TOX2: variants seen among roughly 807,000 people sequenced by gnomAD.
TOX2 encodes the protein granulosa cell HMG box 1.
Under a neutral mutation model 47.4 loss-of-function variants are expected in TOX2, and 15 were observed. The ratio of observed to expected loss-of-function variants is 0.32; its 90% confidence interval spans 0.21 to 0.49. The LOEUF (loss-of-function observed/expected upper bound fraction) is 0.49. TOX2 is among the 20% of genes least tolerant of loss of function. TOX2 has a pLI of 0.99. For missense variants in TOX2, 622 were observed against 673.1 expected (o/e 0.92, Z 0.84); for synonymous variants, 290 against 296.6 (o/e 0.98, Z 0.23).
chr20:43,961,113 G>T (rs1304342733), intron 1 of TOX2, among the ~76,000 whole-genome samples: 1 of 152,268 alleles, frequency 6.6e-6, no homozygotes, highest in Non-Finnish European at 1.5e-5. Context: ...ATGTTTTACG[G>T]GGTGCCCCCA....
intron 1 of TOX2, among the ~76,000 whole-genome samples, chr20:43,931,150 T>G (rs192676339): frequency 6.6e-6 from 1 of 152,334 alleles, no homozygotes; most frequent in Non-Finnish European, 1.5e-5. Flanking sequence ...ATGTTTTTTT[T>G]CTTTAAAAGA....
chr20:44,041,033 G>T (rs2071323723), intron 3 of TOX2, among the ~76,000 whole-genome samples: 1 of 152,194 alleles, frequency 6.6e-6, no homozygotes, highest in Non-Finnish European at 1.5e-5. Context: ...GTTGTTTACT[G>T]AGGGAGGGGC....
At chr20:44,050,032 A>T (rs2071481897) in intron 3 of TOX2, among the ~76,000 whole-genome samples, 1 of 152,202 alleles carries the variant, frequency 6.6e-6, no homozygotes, top group Non-Finnish European at 1.5e-5. Context: ...GTCAAATGGT[A>T]TTCCAGAAGT....
At chr20:44,044,132 A>G (rs199505949) in intron 3 of TOX2, among the ~76,000 whole-genome samples, 2 of 19,006 alleles carry the variant, frequency 1.1e-4, no homozygotes, top group Non-Finnish European at 3.3e-4. Context: ...TTGTAGGGAC[A>G]TGGATGAAGC....
intron 3 of TOX2, among the ~76,000 whole-genome samples, chr20:44,018,077 C>T (rs899886401): frequency 6.6e-6 from 1 of 152,156 alleles, no homozygotes; most frequent in African/African-American, 2.4e-5. Context: ...TGTCCCGGCA[C>T]CGAAGGCTTC....
intron 3 of TOX2, among the ~76,000 whole-genome samples, chr20:44,033,756 A>C (rs544235960): frequency 6.6e-6 from 1 of 151,970 alleles, no homozygotes; most frequent in South Asian, 2.1e-4. Flanking sequence ...CAACACCTTC[A>C]CTTTAGTTCA....
At chr20:44,050,586 A>AT (rs1406210468) in intron 3 of TOX2, among the ~76,000 whole-genome samples, 21 of 152,248 alleles carry the variant, frequency 1.4e-4, no homozygotes, top group African/African-American at 4.8e-4. Flanking sequence ...AAATGCTTAT[A>AT]TGTAAAACCA....
At chr20:44,050,308 A>G (rs2071487749) in intron 3 of TOX2, among the ~76,000 whole-genome samples, 1 of 152,230 alleles carries the variant, frequency 6.6e-6, no homozygotes, top group South Asian at 2.1e-4. Context: ...ACAGAGAAGC[A>G]GAAGTGATAC....
chr20:43,962,269 G>C (rs376865926), intron 1 of TOX2, among the ~76,000 whole-genome samples: 1 of 152,194 alleles, frequency 6.6e-6, no homozygotes, highest in South Asian at 2.1e-4. Context: ...CATCAGGCCC[G>C]GCCCTCTGGG....
At chr20:43,983,557 G>A (rs2070207338) in intron 2 of TOX2, among the ~76,000 whole-genome samples, 1 of 152,210 alleles carries the variant, frequency 6.6e-6, no homozygotes, top group Non-Finnish European at 1.5e-5. Context: ...GGCAGTGTCA[G>A]ATGCCCAGAA....
rs2071780527 is a variant in TOX2, at chr20:44,064,758, C to T, written c.880-19C>T. 2 of 1,612,980 alleles carry T rather than the reference C, an allele frequency of 1.2e-6. No homozygotes were observed. The highest frequency in any genetic ancestry group is 1.1e-5 in the South Asian group (1 of 91,036). ...CTGTAACTTTCTCCCCAGTGTTGCT[C>T]ATGTGTTGACTCTTCCAGGCCTACA... is the stretch of plus-strand genomic sequence containing the variant. On this transcript the variant is annotated intron_variant, in intron 5 of 8. Coordinates refer to ENST00000341197, the MANE Select transcript of TOX2 (RefSeq NM_001098797.2).
chr20:43,974,312 G>T, intron 2 of TOX2, among the ~76,000 whole-genome samples: 1 of 152,124 alleles, frequency 6.6e-6, no homozygotes, highest in East Asian at 1.9e-4. Flanking sequence ...CCCAGGGAGG[G>T]TCCTCACTGC....
chr20:43,996,237 T>A (rs2145568455), intron 2 of TOX2, among the ~76,000 whole-genome samples: 1 of 152,352 alleles, frequency 6.6e-6, no homozygotes. Flanking sequence ...TCATTATGGT[T>A]TTGATTTGCA....
At chr20:44,011,822 A>G (rs919691293) in intron 3 of TOX2, among the ~76,000 whole-genome samples, 7 of 152,244 alleles carry the variant, frequency 4.6e-5, no homozygotes, top group Non-Finnish European at 8.8e-5. Context: ...GAGGCCACCA[A>G]TTCTTTCCGG....
At chr20:43,978,803 G>C (rs1041204273) in intron 2 of TOX2, among the ~76,000 whole-genome samples, 2 of 151,152 alleles carry the variant, frequency 1.3e-5, no homozygotes, top group African/African-American at 4.9e-5. Context: ...GTGTGTATTA[G>C]AGTCAGACTG....
chr20:43,960,358 T>C lies in TOX2; in HGVS notation c.100-13009T>C, dbSNP rs114817435. The stretch of plus-strand genomic sequence containing the variant: ...GTGCCTTTGGTGGAAAGAGGAAGCC[T>C]TGGCCAAGGTCATCAACACTCACCC... On this transcript the variant is annotated intron_variant, in intron 1 of 8. Coordinates refer to ENST00000341197, the MANE Select transcript of TOX2 (RefSeq NM_001098797.2). Among the ~76,000 whole-genome samples the C allele has an allele frequency of 5.2e-3, 798 of 152,308 alleles. 7 individuals are homozygous for C. Among genetic ancestry groups the C allele is most frequent in the African/African-American group, 0.018 (758 of 41,570 alleles).
chr20:43,941,864 C>T (rs1007319010), intron 1 of TOX2, among the ~76,000 whole-genome samples: 1 of 152,144 alleles, frequency 6.6e-6, no homozygotes, highest in African/African-American at 2.4e-5. Flanking sequence ...GCTGGAACAT[C>T]TCAGCAATCT....
In TOX2 at chr20:44,065,717, C is replaced by G; in HGVS notation, c.966C>G (p.Ser322=). 6.3e-7 allele frequency: 1 copy of G among 1,582,044 alleles called. No individual in the cohort carries two copies. The highest frequency in any genetic ancestry group is 8.6e-7 in the Non-Finnish European group (1 of 1,158,078). Residue 322 remains serine (S), a synonymous_variant, in exon 7 of 9, where the codon TCC becomes TCG. Coordinates refer to ENST00000341197, the MANE Select transcript of TOX2 (RefSeq NM_001098797.2). ...AYRASLVSKS[S]PDQGETKSTQ... ...TGATATCTGTCTCCTTCCAGAGCTC[C>G]CCAGATCAAGGTGAGACCAAGAGCA...
chr20:43,968,508 C>T (rs1273991043), intron 1 of TOX2, among the ~76,000 whole-genome samples: 3 of 152,090 alleles, frequency 2.0e-5, no homozygotes, highest in African/African-American at 7.2e-5. Flanking sequence ...CCTGAGGGGA[C>T]CACACAGGGA....
Sources: allele counts gnomAD v4.1 joint callset (sites outside exome capture counted in the v4.1 genomes callset), GRCh38; gene constraint gnomAD v4.1.1; transcripts MANE v1.5; gene names NCBI Gene and HGNC (gene_info 2026-07-23, HGNC 2026-07-21).